Variants in KIF2A observed in about 807,000 individuals in gnomAD.
KIF2A encodes the protein kinesin-like protein KIF2A.
A neutral mutation model predicts 100.2 loss-of-function variants in KIF2A; 22 were observed. The observed-to-expected ratio is 0.22, with a 90% CI of 0.16 to 0.31. The LOEUF (loss-of-function observed/expected upper bound fraction) is 0.31. Ranked by LOEUF, KIF2A falls within the 10% of genes least tolerant of loss-of-function variation. The pLI, the probability that KIF2A is intolerant of heterozygous loss-of-function variation, is 1.00. For synonymous variants in KIF2A, 268 were observed against 285.9 expected (o/e 0.94, Z 0.63); for missense variants, 495 against 898.7 (o/e 0.55, Z 5.74).
At chr5:62,328,636 C>T (rs1229029051) in intron 1 of KIF2A, among the ~76,000 whole-genome samples, 3 of 152,046 alleles carry the variant, frequency 2.0e-5, no homozygotes, top group Admixed American at 1.3e-4. Flanking sequence ...GGATTACAGG[C>T]ATGTGCCACC....
chr5:62,335,169 C>T (rs1287619017), intron 1 of KIF2A, among the ~76,000 whole-genome samples: 24 of 152,198 alleles, frequency 1.6e-4, no homozygotes, highest in Admixed American at 1.5e-3. Context: ...TCCCAGGTTT[C>T]TCTAAGGAGA....
Position 62,360,078 on chromosome 5 carries a change from G to A in KIF2A, c.873-1164G>A, listed in dbSNP as rs559728840. ...ATGATCTCGGCTCACTGCAACCTCT[G>A]CCTCCCAGTTCAAGCGATTCTCCTG... On this transcript the variant is annotated intron_variant, in intron 9 of 20. Transcript: ENST00000407818. Among the ~76,000 whole-genome samples, 1,017 of 151,122 alleles carry A rather than the reference G, an allele frequency of 6.7e-3. 17 individuals carry two copies. The highest frequency in any genetic ancestry group is 0.024 in the African/African-American group (973 of 41,202).
At chr5:62,350,021 G>T in intron 3 of KIF2A, 45 bp from the exon 4 acceptor site, 1 of 1,257,140 alleles carries the variant, frequency 8.0e-7, no homozygotes, top group Non-Finnish European at 1.1e-6. Flanking sequence ...ATACATATGA[G>T]GGAGTAAAGA....
intron 1 of KIF2A, among the ~76,000 whole-genome samples, chr5:62,324,333 T>C (rs539931532): frequency 3.2e-4 from 48 of 152,320 alleles, no homozygotes; most frequent in Middle Eastern, 3.4e-3. Flanking sequence ...CTACCAATGA[T>C]ATTCTTCACA....
chr5:62,360,829 C>A (rs1748370991), intron 9 of KIF2A, among the ~76,000 whole-genome samples: 1 of 152,246 alleles, frequency 6.6e-6, no homozygotes, highest in African/African-American at 2.4e-5. Context: ...TGTCTAAATT[C>A]AAGGTAATCA....
chr5:62,381,344 C>G (rs529381503), intron 20 of KIF2A, 91 bp downstream of exon 20: 486 of 1,047,866 alleles, frequency 4.6e-4, no homozygotes, highest in Non-Finnish European at 6.0e-4. Context: ...AGAGGACATA[C>G]GAAGTGAAAA....
intron 1 of KIF2A, among the ~76,000 whole-genome samples, chr5:62,346,694 C>T (rs976713210): frequency 5.9e-5 from 9 of 152,142 alleles, no homozygotes; most frequent in African/African-American, 2.2e-4. Context: ...GAGCCAAGAT[C>T]GCATCACTGC....
intron 1 of KIF2A, chr5:62,308,535 T>C (rs1278461605): frequency 1.4e-6 from 1 of 703,224 alleles, no homozygotes. Flanking sequence ...AAAGAAATTA[T>C]GTGTGTGTGT....
chr5:62,376,189 G>T (rs1741531933), intron 18 of KIF2A, among the ~76,000 whole-genome samples: 1 of 152,124 alleles, frequency 6.6e-6, no homozygotes, highest in Non-Finnish European at 1.5e-5. Context: ...TAATCCAGGG[G>T]AGTATGACAT....
At position 62,306,436 on chromosome 5, in the gene KIF2A, C is replaced by T. The variant is rs374889152; in HGVS notation, c.-37C>T. Reference sequence around the variant, plus strand: ...CCCGCCTTTTCCGCCCTCCGGTCCCCCTCCCTCGGCCCGCTGCTGCTGCTC... The same window carrying T: ...CCCGCCTTTTCCGCCCTCCGGTCCCTCTCCCTCGGCCCGCTGCTGCTGCTC... On this transcript the variant is annotated 5_prime_UTR_variant, in exon 1 of 21. Transcript: ENST00000407818. 6.6e-7 allele frequency: 1 copy of T among 1,523,638 alleles called. No homozygotes were observed. Among genetic ancestry groups the T allele is most frequent in the African/African-American group, 1.4e-5 (1 of 71,112 alleles). 94.4% of individuals were successfully genotyped at this position (1,523,638 alleles called of 1,614,324 possible).
chr5:62,368,863 GCTC>G (rs1267000822), intron 16 of KIF2A, among the ~76,000 whole-genome samples: 1 of 151,864 alleles, frequency 6.6e-6, no homozygotes, highest in Non-Finnish European at 1.5e-5. Flanking sequence ...TGAATTATGA[GCTC>G]CTAGCTGCAA....
intron 1 of KIF2A, among the ~76,000 whole-genome samples, chr5:62,326,692 C>T (rs900949424): frequency 1.3e-5 from 2 of 150,062 alleles, no homozygotes; most frequent in African/African-American, 4.9e-5. Flanking sequence ...TTCTCCCATC[C>T]GAAAAAAAAA....
rs150205133 is a variant in KIF2A at position 62,374,554 on chromosome 5, T to C, written c.1911+717T>C. ...AATCTAAACCATTCATTTTTTTCCCTCAGATTTTTGTCTGCTATTAAAATT... is the reference window on the plus strand; with the variant it reads ...AATCTAAACCATTCATTTTTTTCCCCCAGATTTTTGTCTGCTATTAAAATT... On this transcript the variant is annotated intron_variant, in intron 18 of 20. Coordinates refer to ENST00000407818, the MANE Select transcript of KIF2A (RefSeq NM_001098511.3). Among the ~76,000 whole-genome samples the C allele has an allele frequency of 6.6e-3, 999 of 152,280 alleles. 19 individuals are homozygous for C. The highest frequency in any genetic ancestry group is 0.023 in the African/African-American group (955 of 41,542).
At chr5:62,359,803 G>GT (rs1287018019) in intron 9 of KIF2A, among the ~76,000 whole-genome samples, 2 of 151,990 alleles carry the variant, frequency 1.3e-5, no homozygotes, top group African/African-American at 4.8e-5. Flanking sequence ...GGAGTTACAT[G>GT]TTTTTTTGTG....
At chr5:62,338,750 A>G (rs1052974484) in intron 1 of KIF2A, among the ~76,000 whole-genome samples, 2 of 152,212 alleles carry the variant, frequency 1.3e-5, no homozygotes, top group African/African-American at 4.8e-5. Flanking sequence ...AGCACCATAA[A>G]GAACATGAAA....
chr5:62,321,756 G>T (rs554336446), intron 1 of KIF2A, among the ~76,000 whole-genome samples: 2 of 151,876 alleles, frequency 1.3e-5, no homozygotes, highest in Admixed American at 6.6e-5. Context: ...GACATGTTTC[G>T]CCACGTTTCC....
At chr5:62,330,969 T>G (rs971027991) in intron 1 of KIF2A, among the ~76,000 whole-genome samples, 1 of 152,214 alleles carries the variant, frequency 6.6e-6, no homozygotes, top group Non-Finnish European at 1.5e-5. Flanking sequence ...TGTTATATTT[T>G]TAAATTTATC....
chr5:62,362,388 T>G (rs1172021619), intron 11 of KIF2A, 62 bp from the exon 12 acceptor site: 11 of 726,036 alleles, frequency 1.5e-5, no homozygotes, highest in Non-Finnish European at 2.3e-5. Flanking sequence ...AATAGAAAAT[T>G]TGAGTTGCTT....
chr5:62,348,330 T>C (rs1355648485), intron 3 of KIF2A, among the ~76,000 whole-genome samples, 163 bp downstream of exon 3: 1 of 152,198 alleles, frequency 6.6e-6, no homozygotes, highest in Non-Finnish European at 1.5e-5. Context: ...TTTTCAAGGA[T>C]TGAGGTTGTC....
Sources: allele counts gnomAD v4.1 joint callset (sites outside exome capture counted in the v4.1 genomes callset), GRCh38; gene constraint gnomAD v4.1.1; transcripts MANE v1.5; gene names NCBI Gene and HGNC (gene_info 2026-07-23, HGNC 2026-07-21).